Variants in DOC2B observed in about 807,000 individuals in gnomAD.
The protein encoded by DOC2B is double C2-like domain-containing protein beta.
A neutral mutation model predicts 28.9 loss-of-function variants in DOC2B; 21 were observed. That is an observed-to-expected ratio of 0.73 (90% CI 0.52 to 1.05). The LOEUF is 1.05. Among genes scored for constraint, DOC2B ranks in the 50% least tolerant of loss-of-function variants. The pLI is 0.00. For synonymous variants in DOC2B, 194 were observed against 178.1 expected (o/e 1.09, Z -0.71); for missense variants, 384 against 421.1 (o/e 0.91, Z 0.77).
chr17:166,700 T>A (rs909994874), intron 2 of DOC2B, among the ~76,000 whole-genome samples: 2 of 151,476 alleles, frequency 1.3e-5, no homozygotes, highest in Non-Finnish European at 2.9e-5. Flanking sequence ...TCTGACACTC[T>A]TCTTGACGTA....
chr17:178,028 T>C (rs1457355579), intron 1 of DOC2B, among the ~76,000 whole-genome samples: 1 of 152,238 alleles, frequency 6.6e-6, no homozygotes, highest in South Asian at 2.1e-4. Flanking sequence ...GTTTCCTCGC[T>C]CTTAAACTGA....
chr17:179,719 G>A (rs1597839332), intron 1 of DOC2B, among the ~76,000 whole-genome samples: 1 of 152,350 alleles, frequency 6.6e-6, no homozygotes, highest in Non-Finnish European at 1.5e-5. Context: ...AAACTCTTCC[G>A]ACCCAATCTC....
rs1036121771 is a variant in DOC2B, at chr17:147,292, C to T, written c.*149G>A. On this transcript the variant is annotated 3_prime_UTR_variant, in exon 9 of 9. Transcript: ENST00000613549. Reference sequence around the variant, plus strand: ...GAGTGGCTGAGCCCTCCACATCCTCCGAGCGGGGACTGCAGTGGCTCTGTG... The same window carrying T: ...GAGTGGCTGAGCCCTCCACATCCTCTGAGCGGGGACTGCAGTGGCTCTGTG... The T allele has an allele frequency of 1.1e-4, 42 of 396,638 alleles. No individual in the cohort carries two copies. The highest frequency in any genetic ancestry group is 6.3e-4 in the Middle Eastern group (1 of 1,584). 24.6% of individuals were successfully genotyped at this position (396,638 alleles called of 1,614,324 possible).
intron 8 of DOC2B, 76 bp from the exon 9 acceptor site, chr17:147,653 G>C (rs1204684131): frequency 5.0e-6 from 2 of 398,574 alleles, no homozygotes; most frequent in African/African-American, 4.1e-5. Flanking sequence ...CCCCCTCCCA[G>C]GTTCTGTGCT....
At chr17:152,015 C>G (rs2040077657) in intron 6 of DOC2B, among the ~76,000 whole-genome samples, 1 of 152,224 alleles carries the variant, frequency 6.6e-6, no homozygotes, top group Non-Finnish European at 1.5e-5. Flanking sequence ...CCCTGCAAAG[C>G]CCCTGAGGCC....
At chr17:180,710 C>G (rs2040430691) in intron 1 of DOC2B, among the ~76,000 whole-genome samples, 1 of 151,544 alleles carries the variant, frequency 6.6e-6, no homozygotes, top group South Asian at 2.1e-4. Flanking sequence ...GGGGAGCGAC[C>G]GCGCGGCCGG....
rs1206663602 is a variant in DOC2B, at chr17:160,515, T to G, written c.765+900A>C. ...CGGGCCCCACTGGGGCTGGGTACAC[T>G]GGGGACAGCCGCCGGGCTCTGTCCT... On this transcript the variant is annotated intron_variant, in intron 5 of 8. Coordinates refer to ENST00000613549, the MANE Select transcript of DOC2B (RefSeq NM_003585.5). 2.6e-5 allele frequency among the ~76,000 whole-genome samples: 4 copies of G among 152,058 alleles called. No individual in the cohort carries two copies. The East Asian group carries it at 5.8e-4, about 22-fold the overall frequency.
chr17:170,470 G>A (rs1436788292), intron 2 of DOC2B, among the ~76,000 whole-genome samples: 1 of 152,114 alleles, frequency 6.6e-6, no homozygotes, highest in Non-Finnish European at 1.5e-5. Flanking sequence ...GGCAGCCCTT[G>A]CTGCCAGGCT....
At chr17:172,792 C>A (rs1342604653) in intron 1 of DOC2B, among the ~76,000 whole-genome samples, 176 bp from the exon 2 acceptor site, 1 of 152,194 alleles carries the variant, frequency 6.6e-6, no homozygotes, top group African/African-American at 2.4e-5. Flanking sequence ...TCCCACCCAA[C>A]CCTGGGAAGT....
At chr17:156,166 C>T in intron 6 of DOC2B, 54 bp downstream of exon 6, 1 of 1,495,184 alleles carries the variant, frequency 6.7e-7, no homozygotes, top group Non-Finnish European at 9.0e-7. Flanking sequence ...GCACACGGAC[C>T]CCCGTCCTTG....
At chr17:165,007 A>AG (rs1433873103) in intron 2 of DOC2B, among the ~76,000 whole-genome samples, 3 of 152,030 alleles carry the variant, frequency 2.0e-5, no homozygotes, top group Non-Finnish European at 4.4e-5. Context: ...CTCCAAGGGG[A>AG]GGCTGGGGCT....
In DOC2B at chr17:181,475, G is replaced by T. The variant is rs2040443601; in HGVS notation, c.5C>A (p.Thr2Asn). The change falls in exon 1 of 9, where the codon ACC becomes AAC. Residue 2 changes from threonine to asparagine, a missense_variant. Transcript: ENST00000613549. The surrounding 1 kb of genome is among the most constrained non-coding windows in gnomAD (Gnocchi z 7.0). ...CGCCTTCTCCCCGCGCCGCCGGAGG[G>T]TCATGCAGGCAGCGCCGCCCCGCCC... The part of the protein sequence containing the change: M[T>N]LRRRGEKATI... The T allele has an allele frequency of 1.9e-6, 2 of 1,077,646 alleles. No individual in the cohort carries two copies. Among genetic ancestry groups the T allele is most frequent in the South Asian group, 6.2e-5 (2 of 32,322 alleles). 66.8% of individuals were successfully genotyped at this position (1,077,646 alleles called of 1,614,324 possible). A position where few individuals can be genotyped will look rare whatever the true frequency, so the allele number is the denominator to read the frequency against.
intron 2 of DOC2B, 124 bp downstream of exon 2, chr17:172,413 A>C: frequency 1.4e-6 from 1 of 731,800 alleles, no homozygotes; most frequent in Non-Finnish European, 2.2e-6. Context: ...CCCGCACCCC[A>C]CACAGCGCAG....
chr17:161,546 AG>A lies in DOC2B; in HGVS notation c.639-6del. 1.9e-6 allele frequency: 3 copies of A among 1,551,486 alleles called. No individual in the cohort carries two copies. Among genetic ancestry groups the A allele is most frequent in the Non-Finnish European group, 2.6e-6 (3 of 1,146,944 alleles). Reference sequence around the variant, plus strand: ...TCCTCGTCACACACAGAGATCCTAGAGGGGGCGGTGGTGAGGGGCACAGCCA... The same window carrying A: ...TCCTCGTCACACACAGAGATCCTAGAGGGGCGGTGGTGAGGGGCACAGCCA... On this transcript the variant is annotated splice_polypyrimidine_tract_variant and splice_region_variant and intron_variant, in intron 4 of 8. Transcript: ENST00000613549.
At chr17:176,402 CG>C (rs996162166) in intron 1 of DOC2B, among the ~76,000 whole-genome samples, 7 of 129,494 alleles carry the variant, frequency 5.4e-5, no homozygotes, top group Admixed American at 2.2e-4. Flanking sequence ...GCGGGGGGTG[CG>C]GGGGGGTAGG....
chr17:151,527 C>T (rs922958640), intron 6 of DOC2B, among the ~76,000 whole-genome samples: 3 of 152,120 alleles, frequency 2.0e-5, no homozygotes, highest in South Asian at 2.1e-4. Context: ...AGCTTTGGGA[C>T]GCTCAACCTG....
At chr17:169,819 C>T (rs2040291322) in intron 2 of DOC2B, among the ~76,000 whole-genome samples, 1 of 152,114 alleles carries the variant, frequency 6.6e-6, no homozygotes, top group African/African-American at 2.4e-5. Flanking sequence ...AGCTCTTCCC[C>T]AGCCTGCACC....
rs1440444889 is a variant in DOC2B, at chr17:143,804, T to A, written c.*3637A>T. 1 of 152,080 alleles carries A rather than the reference T, an allele frequency of 6.6e-6. No homozygotes were observed. Among genetic ancestry groups the A allele is most frequent in the African/African-American group, 2.4e-5 (1 of 41,466 alleles). The allele number at this position is 152,080 out of a possible 1,614,324, so 9.4% of individuals were successfully genotyped here. A position where few individuals can be genotyped will look rare whatever the true frequency, so the allele number is the denominator to read the frequency against. ...GTCAGACCAAAATACAAAACTTGTC[T>A]GTGGGACTGCAGTTTGAGGACAGTG... On this transcript the variant is annotated 3_prime_UTR_variant, in exon 9 of 9. Coordinates refer to ENST00000613549, the MANE Select transcript of DOC2B (RefSeq NM_003585.5).
In DOC2B at chr17:172,561, G is replaced by A. The variant is rs2040324482; in HGVS notation, c.429C>T (p.Leu143=). The change falls in exon 2 of 9, where the codon CTC becomes CTT. Residue 143 remains leucine (L), a synonymous_variant. Transcript: ENST00000613549. The stretch of plus-strand genomic sequence containing the variant: ...CCTTGGCCTTGGTGATGGTGCAGTG[G>A]AGGGCGTTGTTCTCCTGGTCATACA... ...SLLYDQENNA[L]HCTITKAKGL... 1 of 1,551,250 alleles carries A rather than the reference G, an allele frequency of 6.4e-7. No individual in the cohort carries two copies. The highest frequency in any genetic ancestry group is 8.7e-7 in the Non-Finnish European group (1 of 1,146,734).
Sources: allele counts gnomAD v4.1 joint callset (sites outside exome capture counted in the v4.1 genomes callset), GRCh38; gene constraint gnomAD v4.1.1; non-coding constraint Gnocchi (gnomAD v3.1); transcripts MANE v1.5; gene names NCBI Gene and HGNC (gene_info 2026-07-23, HGNC 2026-07-21).